Variants in SLCO4C1 observed in about 807,000 individuals in gnomAD.
SLCO4C1 encodes the protein organic anion transporter M1.
Under a neutral mutation model 72.1 loss-of-function variants are expected in SLCO4C1, and 58 were observed. The ratio of observed to expected loss-of-function variants is 0.80; its 90% CI spans 0.65 to 1.00. The LOEUF is 1.00. SLCO4C1 is among the 50% of genes least tolerant of loss of function. The probability of loss-of-function intolerance (pLI) is 0.00; values close to 1 mark genes in which losing one functional copy is unlikely to be tolerated. For missense variants in SLCO4C1, 898 were observed against 857.9 expected (o/e 1.05, Z -0.58); for synonymous variants, 297 against 312.5 (o/e 0.95, Z 0.52).
chr5:102,267,232 C>A (rs867940835), intron 3 of SLCO4C1, among the ~76,000 whole-genome samples: 1 of 152,254 alleles, frequency 6.6e-6, no homozygotes, highest in African/African-American at 2.4e-5. Context: ...TTATAGACTT[C>A]AGCAGTGAAG....
intron 1 of SLCO4C1, among the ~76,000 whole-genome samples, chr5:102,295,071 T>C (rs1749623005): frequency 6.6e-6 from 1 of 152,150 alleles, no homozygotes; most frequent in Non-Finnish European, 1.5e-5. Context: ...TCAACTCAGG[T>C]TAACTTCCTA....
chr5:102,295,824 C>A (rs1398977461), intron 1 of SLCO4C1, 84 bp downstream of exon 1: 47 of 1,371,602 alleles, frequency 3.4e-5, no homozygotes, highest in Non-Finnish European at 4.6e-5. Flanking sequence ...ACGGACCCCG[C>A]GCACCTGCCC....
intron 6 of SLCO4C1, among the ~76,000 whole-genome samples, chr5:102,259,223 C>A (rs952886848): frequency 6.6e-6 from 1 of 151,596 alleles, no homozygotes; most frequent in South Asian, 2.1e-4. Flanking sequence ...GGAAAACCAA[C>A]AAGAAAATGT....
intron 10 of SLCO4C1, among the ~76,000 whole-genome samples, chr5:102,244,712 C>T (rs968712492): frequency 2.6e-5 from 4 of 152,126 alleles, no homozygotes; most frequent in Middle Eastern, 3.2e-3. Context: ...CAGTGGAAAC[C>T]TCATAGGCCA....
In SLCO4C1 at chr5:102,290,692, G is replaced by T. The variant is rs906894860; in HGVS notation, c.619+651C>A. Among the ~76,000 whole-genome samples the T allele has an allele frequency of 3.6e-4, 55 of 152,132 alleles. 1 individual carries two copies. The highest frequency in any genetic ancestry group is 1.3e-3 in the African/African-American group (53 of 41,434). On this transcript the variant is annotated intron_variant, in intron 2 of 12. Transcript: ENST00000310954. ...CAATATTTGCTATTAGAAGTCCCAG[G>T]AAGGACATTAAAATGTTAAGGTCTA... is the stretch of plus-strand genomic sequence containing the variant.
rs1749132397 is a variant in SLCO4C1, at chr5:102,270,633, GAGA to G, written c.790_792del (p.Ser264del). ...TAGAGAGTAAACTTACCTATATAGA[GAGA>G]AGACTTGTGTGTGGGCACAGAATCA... is the stretch of plus-strand genomic sequence containing the variant. On this transcript the variant is annotated inframe_deletion, in exon 3 of 13. Transcript: ENST00000310954. The G allele has an allele frequency of 1.2e-6, 2 of 1,609,752 alleles. No homozygotes were observed. Among genetic ancestry groups the G allele is most frequent in the Admixed American group, 1.7e-5 (1 of 59,330 alleles).
At chr5:102,270,042 G>C (rs1269713588) in intron 3 of SLCO4C1, among the ~76,000 whole-genome samples, 3 of 151,962 alleles carry the variant, frequency 2.0e-5, no homozygotes, top group African/African-American at 7.3e-5. Context: ...CTGTGGTAAT[G>C]AATCTCCTAT....
At chr5:102,261,594 C>G (rs1171162738) in intron 5 of SLCO4C1, among the ~76,000 whole-genome samples, 1 of 151,324 alleles carries the variant, frequency 6.6e-6, no homozygotes, top group Non-Finnish European at 1.5e-5. Flanking sequence ...TGAATACAAA[C>G]TAACAGTTTA....
chr5:102,272,747 G>A (rs376161901), intron 2 of SLCO4C1, among the ~76,000 whole-genome samples: 1 of 149,066 alleles, frequency 6.7e-6, no homozygotes. Context: ...CTTGAGGTCA[G>A]GAGTTTGAGA....
chr5:102,271,340 ATT>A (rs1427657460), intron 2 of SLCO4C1, among the ~76,000 whole-genome samples: 1 of 151,070 alleles, frequency 6.6e-6, no homozygotes, highest in African/African-American at 2.4e-5. Context: ...ATTATATTGT[ATT>A]ATACATAGGT....
chr5:102,259,872 T>A (rs965440601), intron 6 of SLCO4C1, among the ~76,000 whole-genome samples: 1 of 152,104 alleles, frequency 6.6e-6, no homozygotes, highest in Admixed American at 6.6e-5. Context: ...CAACTCATGC[T>A]CTTTCAACCA....
intron 1 of SLCO4C1, among the ~76,000 whole-genome samples, chr5:102,291,935 C>T (rs1335927210): frequency 6.6e-6 from 1 of 152,094 alleles, no homozygotes; most frequent in Non-Finnish European, 1.5e-5. Flanking sequence ...GATTCTCCTG[C>T]CTCAGGCTCT....
At chr5:102,259,020 T>TA (rs1748890126) in intron 6 of SLCO4C1, among the ~76,000 whole-genome samples, 2 of 152,128 alleles carry the variant, frequency 1.3e-5, no homozygotes, top group African/African-American at 4.8e-5. Context: ...TGAAAAAACT[T>TA]ACCAACATAA....
At chr5:102,245,146 C>T (rs992909369) in intron 10 of SLCO4C1, among the ~76,000 whole-genome samples, 1 of 152,060 alleles carries the variant, frequency 6.6e-6, no homozygotes, top group African/African-American at 2.4e-5. Flanking sequence ...AGCCAGGGGA[C>T]AAAGTTAAGG....
chr5:102,244,349 A>C (rs1748600141), intron 10 of SLCO4C1, among the ~76,000 whole-genome samples: 1 of 152,206 alleles, frequency 6.6e-6, no homozygotes, highest in South Asian at 2.1e-4. Context: ...TAGGAGACAA[A>C]AGAAAAAAGA....
intron 1 of SLCO4C1, among the ~76,000 whole-genome samples, chr5:102,294,429 T>A (rs1458151463): frequency 6.6e-6 from 1 of 152,140 alleles, no homozygotes; most frequent in Non-Finnish European, 1.5e-5. Flanking sequence ...CCTGACAAAT[T>A]TTCTAGGAGT....
At chr5:102,250,741 C>T (rs1422376535) in intron 8 of SLCO4C1, among the ~76,000 whole-genome samples, 1 of 152,108 alleles carries the variant, frequency 6.6e-6, no homozygotes. Flanking sequence ...GTAATCCCAG[C>T]ACTTTGGGAT....
In SLCO4C1 at chr5:102,257,946, C is replaced by T; in HGVS notation, c.1270G>A (p.Gly424Arg). The T allele has an allele frequency of 6.2e-7, 1 of 1,600,188 alleles. No individual in the cohort carries two copies. Among genetic ancestry groups the T allele is most frequent in the Non-Finnish European group, 8.5e-7 (1 of 1,176,066 alleles). ...GLTSSFAATL[G>R]GAVLIPGAAL... is the part of the protein sequence containing the mutation. ...TAAGATAAAGAAAATGTTTTACCTCCAAGAGTAGCTGCGAAGCTGGATGTC... is the reference window on the plus strand; with the variant it reads ...TAAGATAAAGAAAATGTTTTACCTCTAAGAGTAGCTGCGAAGCTGGATGTC... The change falls in exon 7 of 13, where the codon GGA becomes AGA. Residue 424 changes from glycine to arginine, a missense_variant. By Grantham distance (125) the Gly-to-Arg change is moderately radical. Coordinates refer to ENST00000310954, the MANE Select transcript of SLCO4C1 (RefSeq NM_180991.5).
At chr5:102,257,798 T>C (rs1748865491) in intron 7 of SLCO4C1, 145 bp downstream of exon 7, 1 of 710,872 alleles carries the variant, frequency 1.4e-6, no homozygotes, top group Non-Finnish European at 2.3e-6. Context: ...TTTATGTTTT[T>C]TGGTACAGAC....
Sources: allele counts gnomAD v4.1 joint callset (sites outside exome capture counted in the v4.1 genomes callset), GRCh38; gene constraint gnomAD v4.1.1; transcripts MANE v1.5; gene names NCBI Gene and HGNC (gene_info 2026-07-23, HGNC 2026-07-21).